The following WDR49 variants were observed in gnomAD, a reference collection of about 807,000 sequenced individuals.
The protein encoded by WDR49 is WD repeat domain 49.
Under a neutral mutation model 119.5 loss-of-function variants are expected in WDR49, and 107 were observed. That is an observed-to-expected ratio of 0.90 (90% CI 0.77 to 1.05). WDR49 has a LOEUF of 1.05. Ranked by LOEUF, WDR49 falls within the 50% of genes least tolerant of loss-of-function variation. WDR49 has a pLI of 0.00. For missense variants in WDR49, 1,240 were observed against 1,220.5 expected, an observed-to-expected ratio of 1.02 and a Z score of -0.24; for synonymous variants, 425 against 418.8, an observed-to-expected ratio of 1.01 and a Z score of -0.18.
intron 7 of WDR49, among the ~76,000 whole-genome samples, chr3:167,579,005 T>C (rs1714398127): frequency 6.6e-6 from 1 of 152,012 alleles, no homozygotes; most frequent in South Asian, 2.1e-4. Flanking sequence ...AGTATGTGAG[T>C]TTTTACAAGA....
At chr3:167,582,731 C>G (rs1714602760) in intron 7 of WDR49, among the ~76,000 whole-genome samples, 1 of 151,922 alleles carries the variant, frequency 6.6e-6, no homozygotes, top group Non-Finnish European at 1.5e-5. Flanking sequence ...AGGCAGACCA[C>G]TTGGGGTCAG....
intron 15 of WDR49, among the ~76,000 whole-genome samples, chr3:167,526,159 A>G (rs1466297748): frequency 6.6e-6 from 1 of 152,150 alleles, no homozygotes; most frequent in East Asian, 1.9e-4. Context: ...GAAAAAATAA[A>G]ATTATTCTCA....
rs1378821377 is a variant in WDR49 at position 167,621,747 on chromosome 3, T to C, written c.607-104A>G. The C allele has an allele frequency of 1.2e-5, 13 of 1,087,508 alleles. No individual in the cohort carries two copies. In the East Asian group the frequency reaches 3.4e-4, roughly 28 times the overall value. 67.4% of individuals were successfully genotyped at this position (1,087,508 alleles called of 1,614,324 possible). The stretch of plus-strand genomic sequence containing the variant: ...CTAATTGCCAAATCAGACTTTGTTC[T>C]CTGAGGATCCTTAACAGTATTACAG... On this transcript the variant is annotated intron_variant, in intron 3 of 18. Transcript: ENST00000682715.
In WDR49 at chr3:167,536,954, G is replaced by A; in HGVS notation, c.1870C>T (p.Gln624Ter). Reference protein sequence around the residue: ...RPQNFNQFFIQPEEWKGGIQH... With the variant: ...RPQNFNQFFI ...ATACCTCCTTTCCATTCTTCAGGCT[G>A]GATGAAAAATTGATTGAAGTTTTGG... is the stretch of plus-strand genomic sequence containing the variant. Residue 624 changes from glutamine (Q) to a stop codon, truncating the protein, a stop_gained, in exon 11 of 19, where the codon CAG becomes TAG. Coordinates refer to ENST00000682715, the MANE Select transcript of WDR49 (RefSeq NM_001366157.1). LOFTEE classifies it high-confidence loss of function. 3.1e-6 allele frequency: 5 copies of A among 1,590,472 alleles called. No homozygotes were observed. The South Asian group carries it at 4.6e-5, about 15-fold the overall frequency.
chr3:167,538,490 G>A (rs1382051208), intron 10 of WDR49, among the ~76,000 whole-genome samples: 1 of 151,908 alleles, frequency 6.6e-6, no homozygotes, highest in Non-Finnish European at 1.5e-5. Context: ...CTACCTCATG[G>A]TTGACTTATT....
chr3:167,478,734 A>G lies in WDR49; in HGVS notation c.*144T>C. On this transcript the variant is annotated 3_prime_UTR_variant, in exon 19 of 19. Transcript: ENST00000682715. Reference sequence around the variant, plus strand: ...GAATACAGAGAAATTGACAGATGATAGATAAAAGCAGTACTAAATTATCCC... The same window carrying G: ...GAATACAGAGAAATTGACAGATGATGGATAAAAGCAGTACTAAATTATCCC... 1 of 474,708 alleles carries G rather than the reference A, an allele frequency of 2.1e-6. No homozygotes were observed. The highest frequency in any genetic ancestry group is 3.6e-6 in the Non-Finnish European group (1 of 275,476). 29.4% of individuals were successfully genotyped at this position (474,708 alleles called of 1,614,324 possible).
rs557046155 is a variant in WDR49 at position 167,613,652 on chromosome 3, C to T, written c.958+6777G>A. ...CTGGCACTTGTTCCACTAATTAGTGCAGCAATTAGCAGCTGGTTGTGGTGG... is the reference window on the plus strand; with the variant it reads ...CTGGCACTTGTTCCACTAATTAGTGTAGCAATTAGCAGCTGGTTGTGGTGG... On this transcript the variant is annotated intron_variant, in intron 5 of 18. Coordinates refer to ENST00000682715, the MANE Select transcript of WDR49 (RefSeq NM_001366157.1). Among the ~76,000 whole-genome samples, 6 of 152,204 alleles carry T rather than the reference C, an allele frequency of 3.9e-5. No homozygotes were observed. In the East Asian group the frequency reaches 1.2e-3, roughly 29 times the overall value.
chr3:167,499,885 A>G (rs915677038), intron 18 of WDR49, among the ~76,000 whole-genome samples: 13 of 152,308 alleles, frequency 8.5e-5, no homozygotes, highest in African/African-American at 3.1e-4. Flanking sequence ...TCATCCACGG[A>G]AGATTCATAG....
chr3:167,581,443 A>C (rs2108288388), intron 7 of WDR49, among the ~76,000 whole-genome samples: 1 of 152,250 alleles, frequency 6.6e-6, no homozygotes, highest in Non-Finnish European at 1.5e-5. Flanking sequence ...ATTTGTCTAC[A>C]ATGTAGTCAA....
rs183133009 is a variant in WDR49 at position 167,593,247 on chromosome 3, T to C, written c.1275+8880A>G. Among the ~76,000 whole-genome samples, 27 of 152,230 alleles carry C rather than the reference T, an allele frequency of 1.8e-4. No homozygotes were observed. In the East Asian group the frequency reaches 3.5e-3, roughly 20 times the overall value. Reference sequence around the variant, plus strand: ...AGTCCAATAACTCTTAGATTTGCCTTGTTGAGACTGTTTTCTAGATCTTGA... The same window carrying C: ...AGTCCAATAACTCTTAGATTTGCCTCGTTGAGACTGTTTTCTAGATCTTGA... On this transcript the variant is annotated intron_variant, in intron 7 of 18. Transcript: ENST00000682715.
intron 16 of WDR49, among the ~76,000 whole-genome samples, chr3:167,506,631 T>C (rs376924686): frequency 1.3e-5 from 2 of 152,286 alleles, no homozygotes; most frequent in Middle Eastern, 3.4e-3. Flanking sequence ...CTCAGCCAAT[T>C]TTCCCTATTA....
intron 5 of WDR49, among the ~76,000 whole-genome samples, chr3:167,607,566 G>T (rs1716123513): frequency 6.6e-6 from 1 of 152,158 alleles, no homozygotes; most frequent in Non-Finnish European, 1.5e-5. Context: ...AAGCCAACTT[G>T]CTCAAGGGCA....
chr3:167,604,165 A>T, intron 6 of WDR49, 136 bp downstream of exon 6: 4 of 973,428 alleles, frequency 4.1e-6, no homozygotes, highest in Non-Finnish European at 5.9e-6. Context: ...AGACATTCTC[A>T]GGCAGTAAAA....
intron 16 of WDR49, among the ~76,000 whole-genome samples, chr3:167,517,676 A>AT (rs568474280): frequency 3.1e-3 from 418 of 136,658 alleles, no homozygotes; most frequent in Admixed American, 3.6e-3. Context: ...CCAATGAGAT[A>AT]TTTTTTTTTT....
At chr3:167,594,243 T>G (rs1025101155) in intron 7 of WDR49, among the ~76,000 whole-genome samples, 3 of 152,102 alleles carry the variant, frequency 2.0e-5, no homozygotes, top group Non-Finnish European at 4.4e-5. Flanking sequence ...TGTGGAAACA[T>G]TTGGGACTTC....
At chr3:167,650,822 T>C (rs1020050331) in intron 2 of WDR49, among the ~76,000 whole-genome samples, 3 of 152,224 alleles carry the variant, frequency 2.0e-5, no homozygotes, top group Non-Finnish European at 4.4e-5. Flanking sequence ...CTTTTTAAAG[T>C]GCTTTCCAGA....
chr3:167,616,706 C>G (rs1254194525), intron 5 of WDR49, among the ~76,000 whole-genome samples: 2 of 151,908 alleles, frequency 1.3e-5, no homozygotes, highest in East Asian at 1.9e-4. Context: ...ATGAAAACTA[C>G]AGATCCACAA....
intron 16 of WDR49, among the ~76,000 whole-genome samples, chr3:167,510,113 A>T (rs936536397): frequency 2.0e-5 from 3 of 152,206 alleles, no homozygotes; most frequent in African/African-American, 7.2e-5. Flanking sequence ...GGCCAGGCAC[A>T]GCGGCTCATG....
chr3:167,530,612 A>G (rs1307009004), intron 13 of WDR49, among the ~76,000 whole-genome samples: 1 of 151,900 alleles, frequency 6.6e-6, no homozygotes, highest in Non-Finnish European at 1.5e-5. Flanking sequence ...GAGAGCAGGC[A>G]GCTCTTGTCC....
Sources: gnomAD v4.1 joint callset for allele counts (sites outside exome capture counted in the v4.1 genomes callset) on GRCh38, gnomAD v4.1.1 for gene constraint, MANE v1.5 for transcripts, NCBI Gene and HGNC (gene_info 2026-07-23, HGNC 2026-07-21) for gene names.